FOCAD: variants seen among roughly 807,000 people sequenced by gnomAD.
FOCAD encodes focadhesin.
A neutral mutation model predicts 225.6 loss-of-function variants in FOCAD; 198 were observed. The ratio of observed to expected loss-of-function variants is 0.88; its 90% CI spans 0.78 to 0.99. The LOEUF is 0.99. Ranked by LOEUF, FOCAD falls within the 50% of genes least tolerant of loss-of-function variation. FOCAD has a pLI of 0.00. For synonymous variants in FOCAD, 897 were observed against 755.0 expected (o/e 1.19, Z -3.08); for missense variants, 2,713 against 2,123.6 (o/e 1.28, Z -5.46).
intron 7 of FOCAD, among the ~76,000 whole-genome samples, chr9:20,768,524 C>T (rs1299799850): frequency 6.6e-6 from 1 of 151,602 alleles, no homozygotes; most frequent in Non-Finnish European, 1.5e-5. Flanking sequence ...TTGTAGTTCT[C>T]CTTGAAGAGG....
chr9:20,887,714 G>C (rs1214019018), intron 21 of FOCAD, among the ~76,000 whole-genome samples: 1 of 152,184 alleles, frequency 6.6e-6, no homozygotes, highest in Non-Finnish European at 1.5e-5. Flanking sequence ...CTAGGAGTGA[G>C]AGTGCAACGT....
intron 18 of FOCAD, among the ~76,000 whole-genome samples, chr9:20,872,375 G>A (rs1024275962): frequency 6.6e-6 from 1 of 152,102 alleles, no homozygotes. Flanking sequence ...AAGTTGTACA[G>A]AAATGATCAT....
intron 24 of FOCAD, among the ~76,000 whole-genome samples, chr9:20,920,978 A>AAAAT (rs917613120): frequency 3.8e-4 from 57 of 151,452 alleles, no homozygotes; most frequent in East Asian, 1.5e-3. Context: ...ATAAAATTAA[A>AAAAT]AAATAAATAA....
chr9:20,840,838 T>C (rs554646305), intron 15 of FOCAD, among the ~76,000 whole-genome samples: 115 of 152,170 alleles, frequency 7.6e-4, no homozygotes, highest in African/African-American at 2.7e-3. Context: ...CCTCATTTAA[T>C]GTAATACTAG....
At chr9:20,992,352 C>T (rs1355645678) in intron 42 of FOCAD, among the ~76,000 whole-genome samples, 1 of 152,146 alleles carries the variant, frequency 6.6e-6, no homozygotes, top group Non-Finnish European at 1.5e-5. Flanking sequence ...TCCATTTGGG[C>T]ACAACTGTTC....
At chr9:20,850,829 T>C (rs528097201) in intron 15 of FOCAD, among the ~76,000 whole-genome samples, 1 of 149,244 alleles carries the variant, frequency 6.7e-6, no homozygotes, top group South Asian at 2.2e-4. Context: ...AACCAGGTAA[T>C]TTCCCCCTCT....
intron 4 of FOCAD, among the ~76,000 whole-genome samples, chr9:20,723,519 T>C (rs1825955466): frequency 6.6e-6 from 1 of 152,228 alleles, no homozygotes; most frequent in African/African-American, 2.4e-5. Context: ...TGTGTTTTTT[T>C]GAATAGATAA....
chr9:20,744,346 T>G (rs1208411139), intron 5 of FOCAD, among the ~76,000 whole-genome samples: 4 of 152,198 alleles, frequency 2.6e-5, no homozygotes, highest in Non-Finnish European at 5.9e-5. Flanking sequence ...AACACTGGAT[T>G]AGAATCATAT....
In FOCAD at chr9:20,981,440, A is replaced by T. The variant is rs778238064; in HGVS notation, c.4392A>T (p.Arg1464Ser). 2 of 1,614,098 alleles carry T rather than the reference A, an allele frequency of 1.2e-6. No homozygotes were observed. Among genetic ancestry groups the T allele is most frequent in the East Asian group, 2.2e-5 (1 of 44,882 alleles). The change falls in exon 38 of 44, where the codon AGA (arginine) becomes AGT (serine). Residue 1464 changes from arginine to serine, a missense_variant. By Grantham distance (110) the Arg-to-Ser change is moderately radical (BLOSUM62 -1). Transcript: ENST00000338382. ...LIHSLSLNTK[R>S]YLLISAPLWI... ...TTTACTTCCAGCTGAATACCAAGAGATATCTCCTGATATCTGCACCTCTGT... is the reference window on the plus strand; with the variant it reads ...TTTACTTCCAGCTGAATACCAAGAGTTATCTCCTGATATCTGCACCTCTGT...
intron 21 of FOCAD, among the ~76,000 whole-genome samples, chr9:20,889,624 A>G (rs1165261713): frequency 6.6e-6 from 1 of 152,202 alleles, no homozygotes; most frequent in Non-Finnish European, 1.5e-5. Context: ...CCGCAATGAC[A>G]TACATAGCTG....
chr9:20,984,528 T>C (rs537480383), intron 39 of FOCAD, among the ~76,000 whole-genome samples: 1 of 152,272 alleles, frequency 6.6e-6, no homozygotes, highest in African/African-American at 2.4e-5. Context: ...ATAAAAAAAT[T>C]TAAAGCATAA....
At chr9:20,865,645 AT>A (rs1281153603) in intron 16 of FOCAD, among the ~76,000 whole-genome samples, 2 of 152,098 alleles carry the variant, frequency 1.3e-5, no homozygotes, top group African/African-American at 4.8e-5. Flanking sequence ...AAAGAGTGAC[AT>A]TTCTGTTAGT....
intron 11 of FOCAD, among the ~76,000 whole-genome samples, chr9:20,815,078 A>G (rs1242712640): frequency 1.5e-5 from 2 of 136,978 alleles, no homozygotes; most frequent in Non-Finnish European, 3.1e-5. Context: ...GTGGTGATGA[A>G]CTCTCTCAGC....
intron 37 of FOCAD, among the ~76,000 whole-genome samples, chr9:20,980,300 A>T (rs1223054982): frequency 6.6e-6 from 1 of 152,154 alleles, no homozygotes; most frequent in Non-Finnish European, 1.5e-5. Flanking sequence ...TGCCTAGCTA[A>T]TAAAAGAGAG....
At chr9:20,803,735 C>A (rs1398425583) in intron 11 of FOCAD, among the ~76,000 whole-genome samples, 1 of 152,092 alleles carries the variant, frequency 6.6e-6, no homozygotes, top group Non-Finnish European at 1.5e-5. Flanking sequence ...ACTTGGGCTC[C>A]TTGCTATGGA....
intron 21 of FOCAD, among the ~76,000 whole-genome samples, chr9:20,906,572 G>T (rs1014088781): frequency 9.2e-5 from 14 of 151,916 alleles, no homozygotes; most frequent in African/African-American, 3.1e-4. Flanking sequence ...TTTGCATGTT[G>T]GTATATATAA....
intron 6 of FOCAD, among the ~76,000 whole-genome samples, chr9:20,763,083 T>C (rs767310151): frequency 2.0e-5 from 3 of 152,244 alleles, no homozygotes; most frequent in Non-Finnish European, 4.4e-5. Flanking sequence ...TTGTATCTTA[T>C]CTAATCATTC....
intron 24 of FOCAD, 101 bp from the exon 25 acceptor site, chr9:20,923,559 A>C (rs182204731): frequency 2.2e-4 from 166 of 746,786 alleles, no homozygotes; most frequent in Non-Finnish European, 1.1e-5. Context: ...GTGAAGGAAC[A>C]CAAGTTGCTT....
chr9:20,696,373 T>C (rs1371799121), intron 1 of FOCAD, among the ~76,000 whole-genome samples: 1 of 152,232 alleles, frequency 6.6e-6, no homozygotes, highest in African/African-American at 2.4e-5. Flanking sequence ...GATGAGGTGA[T>C]ATGTTTGATT....
Sources: gnomAD v4.1 joint callset for allele counts (sites outside exome capture counted in the v4.1 genomes callset) on GRCh38, gnomAD v4.1.1 for gene constraint, MANE v1.5 for transcripts, NCBI Gene and HGNC (gene_info 2026-07-23, HGNC 2026-07-21) for gene names.